The following GARRE1 variants were observed in gnomAD, a reference collection of about 807,000 sequenced individuals.
GARRE1 encodes granule associated Rac and RHOG effector 1, also known as granule associated Rac and RHOG effector protein 1.
A neutral mutation model predicts 103.2 loss-of-function variants in GARRE1; 49 were observed. The observed-to-expected ratio is 0.47, with a 90% CI of 0.38 to 0.60. The LOEUF (loss-of-function observed/expected upper bound fraction) is 0.60. GARRE1 is among the 20% of genes least tolerant of loss of function. The probability of loss-of-function intolerance (pLI) is 0.00; values close to 1 mark genes in which losing one functional copy is unlikely to be tolerated. For synonymous variants in GARRE1, 505 were observed against 532.8 expected (o/e 0.95, Z 0.72); for missense variants, 1,199 against 1,370.5 (o/e 0.87, Z 1.98).
At chr19:34,306,574 C>G (rs1010611533) in intron 2 of GARRE1, among the ~76,000 whole-genome samples, 3 of 152,156 alleles carry the variant, frequency 2.0e-5, no homozygotes, top group Admixed American at 6.6e-5. Context: ...CCGAGTGGTT[C>G]ACCCTCACAG....
intron 3 of GARRE1, among the ~76,000 whole-genome samples, chr19:34,326,596 T>C (rs892733151): frequency 2.0e-5 from 3 of 152,188 alleles, no homozygotes; most frequent in Admixed American, 6.5e-5. Context: ...AAGCTCTGTT[T>C]TTCTGTTAAT....
chr19:34,277,841 A>G (rs2073825909), intron 1 of GARRE1, among the ~76,000 whole-genome samples: 2 of 151,768 alleles, frequency 1.3e-5, no homozygotes, highest in South Asian at 4.2e-4. Context: ...GCACTTTCCT[A>G]AATGGAGTAT....
At chr19:34,313,596 T>C (rs1239457452) in intron 2 of GARRE1, among the ~76,000 whole-genome samples, 1 of 152,202 alleles carries the variant, frequency 6.6e-6, no homozygotes, top group Non-Finnish European at 1.5e-5. Flanking sequence ...TGATTTCCAT[T>C]TGCCAGTTCC....
chr19:34,270,031 C>G (rs7250413), intron 1 of GARRE1, among the ~76,000 whole-genome samples: 20,156 of 152,204 alleles, frequency 0.13, 1,641 homozygotes, highest in African/African-American at 0.21. Context: ...CCTTTCTCTT[C>G]TGATGTTTTA....
intron 1 of GARRE1, among the ~76,000 whole-genome samples, chr19:34,294,087 G>A (rs1424858274): frequency 6.6e-6 from 1 of 151,910 alleles, no homozygotes; most frequent in Non-Finnish European, 1.5e-5. Context: ...TATAAATTAT[G>A]TGCTTCTAAA....
chr19:34,265,913 G>A (rs2073748451), intron 1 of GARRE1, among the ~76,000 whole-genome samples: 1 of 152,164 alleles, frequency 6.6e-6, no homozygotes, highest in East Asian at 1.9e-4. Context: ...CTAAGAGCAG[G>A]AATTCACATC....
intron 2 of GARRE1, among the ~76,000 whole-genome samples, chr19:34,312,549 G>A (rs918470069): frequency 6.6e-6 from 1 of 152,172 alleles, no homozygotes; most frequent in Non-Finnish European, 1.5e-5. Flanking sequence ...TAGAATATTT[G>A]TCCTTTTGTG....
chr19:34,287,239 G>A (rs2073892941), intron 1 of GARRE1, among the ~76,000 whole-genome samples: 2 of 152,108 alleles, frequency 1.3e-5, no homozygotes, highest in South Asian at 2.1e-4. Context: ...AGTCATTCCA[G>A]GAAGGGTGCT....
At chr19:34,276,831 A>G (rs2073819871) in intron 1 of GARRE1, among the ~76,000 whole-genome samples, 1 of 152,222 alleles carries the variant, frequency 6.6e-6, no homozygotes. Flanking sequence ...GTTGGGCAGC[A>G]CACTTGTGAG....
chr19:34,296,357 G>A lies in GARRE1; in HGVS notation c.-795-3322G>A, dbSNP rs1209543671. The A allele has an allele frequency of 3.2e-6, 4 of 1,239,200 alleles. No individual in the cohort carries two copies. In the Admixed American group the frequency reaches 5.1e-5, roughly 16 times the overall value. The allele number at this position is 1,239,200 out of a possible 1,614,324, so 76.8% of individuals were successfully genotyped here. On this transcript the variant is annotated intron_variant, in intron 1 of 13. Coordinates refer to ENST00000299505, the MANE Select transcript of GARRE1 (RefSeq NM_014686.5). The stretch of plus-strand genomic sequence containing the variant: ...AAGCTGGAGCTGCAGTCTGGGCGCT[G>A]ATTTGATCCTTGGCCTTGGCCTTTA...
At chr19:34,271,543 C>T (rs1199372960) in intron 1 of GARRE1, among the ~76,000 whole-genome samples, 7 of 152,008 alleles carry the variant, frequency 4.6e-5, no homozygotes, top group South Asian at 2.1e-4. Context: ...CCACCACGCC[C>T]GGCCCCTTCT....
intron 3 of GARRE1, among the ~76,000 whole-genome samples, chr19:34,323,477 C>G (rs538318953): frequency 6.6e-6 from 1 of 152,206 alleles, no homozygotes; most frequent in East Asian, 1.9e-4. Context: ...TTAATTTTCA[C>G]TGTTTTCTTG....
intron 6 of GARRE1, among the ~76,000 whole-genome samples, chr19:34,329,408 T>C (rs2074127074): frequency 6.6e-6 from 1 of 152,226 alleles, no homozygotes; most frequent in African/African-American, 2.4e-5. Context: ...TGTGCTAGTA[T>C]AGAAATACCT....
intron 2 of GARRE1, among the ~76,000 whole-genome samples, chr19:34,304,482 T>G (rs2145245550): frequency 6.6e-6 from 1 of 151,702 alleles, no homozygotes. Context: ...TTAAAGCGAT[T>G]CTTGTGCCTC....
At chr19:34,338,952 G>C (rs1245152887) in intron 8 of GARRE1, among the ~76,000 whole-genome samples, 1 of 152,152 alleles carries the variant, frequency 6.6e-6, no homozygotes, top group Non-Finnish European at 1.5e-5. Context: ...CCCAGGAGTG[G>C]TGGTTTCCTG....
rs535416743 is a variant in GARRE1 at position 34,350,726 on chromosome 19, C to T, written c.2826-788C>T. On this transcript the variant is annotated intron_variant, in intron 12 of 13. Transcript: ENST00000299505. The stretch of plus-strand genomic sequence containing the variant: ...CCTCCCAAGTAGCTGGGACTACAGG[C>T]GCCCACCACCATGCCCGGCTAATTT... Among the ~76,000 whole-genome samples, 11 of 152,100 alleles carry T rather than the reference C, an allele frequency of 7.2e-5. No homozygotes were observed. In the East Asian group the frequency reaches 1.4e-3, roughly 19 times the overall value.
chr19:34,292,438 G>T (rs887543415), intron 1 of GARRE1, among the ~76,000 whole-genome samples: 1 of 152,150 alleles, frequency 6.6e-6, no homozygotes, highest in Non-Finnish European at 1.5e-5. Flanking sequence ...ATGAACATTT[G>T]TGTGCAGGTT....
chr19:34,265,107 G>A (rs1489838079), intron 1 of GARRE1, among the ~76,000 whole-genome samples: 4 of 151,878 alleles, frequency 2.6e-5, no homozygotes, highest in Non-Finnish European at 5.9e-5. Context: ...GATATTACCT[G>A]AAAAAAAATC....
intron 1 of GARRE1, among the ~76,000 whole-genome samples, chr19:34,264,707 T>C (rs1417872154): frequency 6.6e-6 from 1 of 152,176 alleles, no homozygotes; most frequent in Non-Finnish European, 1.5e-5. Flanking sequence ...TGGCATGTCA[T>C]TGTTATATGG....
Sources: allele counts gnomAD v4.1 joint callset (sites outside exome capture counted in the v4.1 genomes callset), GRCh38; gene constraint gnomAD v4.1.1; transcripts MANE v1.5; gene names NCBI Gene and HGNC (gene_info 2026-07-23, HGNC 2026-07-21).